Variants in NAA25 observed in about 807,000 individuals in gnomAD.
NAA25 encodes N-terminal acetyltransferase B complex subunit NAA25.
Under a neutral mutation model 132.5 loss-of-function variants are expected in NAA25, and 30 were observed. That is an observed-to-expected ratio of 0.23 (90% CI 0.17 to 0.31). The LOEUF is 0.31. Among genes scored for constraint, NAA25 ranks in the 10% least tolerant of loss-of-function variants. NAA25 has a pLI of 1.00. For missense variants in NAA25, 771 were observed against 1,150.4 expected, an observed-to-expected ratio of 0.67 and a Z score of 4.77; for synonymous variants, 359 against 401.9, an observed-to-expected ratio of 0.89 and a Z score of 1.28.
At chr12:112,070,891 C>T (rs111873133) in intron 10 of NAA25, among the ~76,000 whole-genome samples, 11 of 152,274 alleles carry the variant, frequency 7.2e-5, no homozygotes, top group African/African-American at 2.6e-4. Context: ...TAACTACAGG[C>T]GTGTGCCACC....
chr12:112,052,709 G>A (rs1294031865), intron 15 of NAA25, among the ~76,000 whole-genome samples: 1 of 152,190 alleles, frequency 6.6e-6, no homozygotes, highest in Non-Finnish European at 1.5e-5. Flanking sequence ...ATCCTCACGA[G>A]TGTTTGCCAA....
At chr12:112,085,581 T>C (rs888784232) in intron 4 of NAA25, among the ~76,000 whole-genome samples, 1 of 152,086 alleles carries the variant, frequency 6.6e-6, no homozygotes, top group Non-Finnish European at 1.5e-5. Context: ...GTATTTTATG[T>C]ACCATAGGGA....
intron 3 of NAA25, among the ~76,000 whole-genome samples, chr12:112,088,130 C>G (rs1192754259): frequency 1.3e-5 from 2 of 152,146 alleles, no homozygotes; most frequent in Admixed American, 1.3e-4. Context: ...CTCTATGCCT[C>G]TAAACTCTTC....
intron 13 of NAA25, among the ~76,000 whole-genome samples, chr12:112,054,946 C>A (rs1209937545): frequency 6.6e-6 from 1 of 152,146 alleles, no homozygotes; most frequent in African/African-American, 2.4e-5. Flanking sequence ...CAGATGTTAT[C>A]TATAGACATC....
intron 1 of NAA25, among the ~76,000 whole-genome samples, chr12:112,105,103 T>G (rs1209859898): frequency 1.3e-5 from 2 of 151,696 alleles, no homozygotes; most frequent in Non-Finnish European, 2.9e-5. Context: ...GCAGATTGCT[T>G]GAGCTCAGGA....
chr12:112,055,155 T>C (rs1180156292), intron 13 of NAA25, among the ~76,000 whole-genome samples: 2 of 152,196 alleles, frequency 1.3e-5, no homozygotes, highest in African/African-American at 4.8e-5. Flanking sequence ...CAGATAAAGC[T>C]TTATATACAA....
chr12:112,059,458 G>T (rs576950594), intron 13 of NAA25, among the ~76,000 whole-genome samples: 3 of 152,146 alleles, frequency 2.0e-5, no homozygotes, highest in Admixed American at 6.5e-5. Context: ...TCAGGGGGTG[G>T]GACCTAAAGA....
rs776147643 is a variant in NAA25 at position 112,075,659 on chromosome 12, A to G, written c.776+19T>C. 6.2e-7 allele frequency: 1 copy of G among 1,601,106 alleles called. No individual in the cohort carries two copies. Among genetic ancestry groups the G allele is most frequent in the Non-Finnish European group, 8.6e-7 (1 of 1,168,460 alleles). Reference sequence around the variant, plus strand: ...AGCCTCACTACAGTCAAATGGTACAAAAGAAAGCTTTTACTCACTTTTTTA... The same window carrying G: ...AGCCTCACTACAGTCAAATGGTACAGAAGAAAGCTTTTACTCACTTTTTTA... On this transcript the variant is annotated intron_variant, in intron 8 of 23. Coordinates refer to ENST00000261745, the MANE Select transcript of NAA25 (RefSeq NM_024953.4).
intron 22 of NAA25, chr12:112,037,542 C>T (rs1388340422): frequency 6.8e-6 from 1 of 146,928 alleles, no homozygotes; most frequent in Non-Finnish European, 1.5e-5. Flanking sequence ...CAAGCATTAT[C>T]CTATAGCTTA....
chr12:112,051,717 T>C (rs12312538), intron 15 of NAA25, among the ~76,000 whole-genome samples: 21,386 of 152,086 alleles, frequency 0.14, 1,859 homozygotes, highest in African/African-American at 0.24. Context: ...CAGCAAAACA[T>C]AAAACAAAGA....
At chr12:112,040,017 G>T (rs1387853710) in intron 21 of NAA25, 1 of 155,512 alleles carries the variant, frequency 6.4e-6, no homozygotes, top group Non-Finnish European at 1.4e-5. Flanking sequence ...TAAAAGAAAA[G>T]ATAATAGATT....
chr12:112,081,697 C>T (rs765842714), intron 4 of NAA25, among the ~76,000 whole-genome samples: 1 of 152,036 alleles, frequency 6.6e-6, no homozygotes, highest in Non-Finnish European at 1.5e-5. Flanking sequence ...AAGAATAGAC[C>T]TATTCAAGCA....
rs2078408679 is a variant in NAA25 at position 112,047,720 on chromosome 12, C to A, written c.1951G>T (p.Asp651Tyr). 6.2e-7 allele frequency: 1 copy of A among 1,613,940 alleles called. No individual in the cohort carries two copies. The highest frequency in any genetic ancestry group is 1.3e-5 in the African/African-American group (1 of 74,926). ...TTTAAGTCTCTGTTGTCTCGCAAAT[C>A]TTCCCATGGAATGTCATCTTCTTCT... Reference protein sequence around the residue: ...RPEEDDIPWEDLRDNRDLNVF... With the variant: ...RPEEDDIPWEYLRDNRDLNVF... The change falls in exon 17 of 24, where the codon GAT (aspartate) becomes TAT (tyrosine). Residue 651 changes from aspartate (D) to tyrosine (Y), a missense_variant. Physicochemically the swap from Asp to Tyr is radical, Grantham distance 160. Transcript: ENST00000261745.
Position 112,093,043 on chromosome 12 carries a change from G to C in NAA25, c.144+8C>G, listed in dbSNP as rs989065134. 8 of 1,595,424 alleles carry C rather than the reference G, an allele frequency of 5.0e-6. No homozygotes were observed. The highest frequency in any genetic ancestry group is 6.8e-6 in the Non-Finnish European group (8 of 1,168,224). On this transcript the variant is annotated splice_region_variant and intron_variant, in intron 2 of 23. Transcript: ENST00000261745. Reference sequence around the variant, plus strand: ...ACAGGTAAGTAACTGAAGGGCAAATGAAGTTACCTTAGCACAATGAAGATC... The same window carrying C: ...ACAGGTAAGTAACTGAAGGGCAAATCAAGTTACCTTAGCACAATGAAGATC...
Position 112,074,640 on chromosome 12 carries a change from A to T in NAA25, c.866+35T>A, listed in dbSNP as rs768177044. The T allele has an allele frequency of 2.2e-5, 29 of 1,316,132 alleles. No homozygotes were observed. In the South Asian group the frequency reaches 3.3e-4, roughly 15 times the overall value. The allele number at this position is 1,316,132 out of a possible 1,614,324, so 81.5% of individuals were successfully genotyped here. A position where few individuals can be genotyped will look rare whatever the true frequency, so the allele number is the denominator to read the frequency against. Reference sequence around the variant, plus strand: ...ATCCTTTCACTACACTATATTAAAAAGTGCTGTTATAATTCAGGAAAGAAG... The same window carrying T: ...ATCCTTTCACTACACTATATTAAAATGTGCTGTTATAATTCAGGAAAGAAG... On this transcript the variant is annotated intron_variant, in intron 9 of 23. Coordinates refer to ENST00000261745, the MANE Select transcript of NAA25 (RefSeq NM_024953.4).
At chr12:112,069,503 AAAATT>A (rs2078770975) in intron 10 of NAA25, among the ~76,000 whole-genome samples, 3 of 152,136 alleles carry the variant, frequency 2.0e-5, no homozygotes, top group South Asian at 4.1e-4. Context: ...ACTCCATTCA[AAAATT>A]AAATTAAATT....
intron 17 of NAA25, among the ~76,000 whole-genome samples, chr12:112,044,166 C>T (rs954337912): frequency 4.6e-5 from 7 of 150,562 alleles, no homozygotes; most frequent in African/African-American, 1.5e-4. Context: ...CTCCTGACCT[C>T]GTGATCTGCC....
rs1188592527 is a variant in NAA25, at chr12:112,043,704, A to G, written c.2171T>C (p.Ile724Thr). The G allele has an allele frequency of 7.4e-6, 12 of 1,614,062 alleles. No individual in the cohort carries two copies. The highest frequency in any genetic ancestry group is 6.7e-5 in the Admixed American group (4 of 59,998). Residue 724 changes from isoleucine (I) to threonine (T), a missense_variant, in exon 18 of 24, where the codon ATT becomes ACT. Coordinates refer to ENST00000261745, the MANE Select transcript of NAA25 (RefSeq NM_024953.4). The stretch of plus-strand genomic sequence containing the variant: ...TTGAAGGAGCAAACGAAGAATATCA[A>G]TCCGGGAGGATACCCCATTCTCGGC... ...KTAENGVSSRIDILRLLLQQL... is the reference protein window; with the variant it reads ...KTAENGVSSRTDILRLLLQQL...
chr12:112,108,722 T>C lies in NAA25; in HGVS notation c.52A>G (p.Ile18Val). ...GCTGGTCCAAGACACTCACCGTAAA[T>C]GGGCCGGAGGCGCCTGTCGTTAGGG... The part of the protein sequence containing the change: ...QDPNDRRLRP[I>V]YDYLDNGNNK... The change falls in exon 1 of 24, where the codon ATT becomes GTT. Residue 18 changes from isoleucine to valine, a missense_variant. Coordinates refer to ENST00000261745, the MANE Select transcript of NAA25 (RefSeq NM_024953.4). 1 of 1,527,116 alleles carries C rather than the reference T, an allele frequency of 6.5e-7. No individual in the cohort carries two copies. Among genetic ancestry groups the C allele is most frequent in the Non-Finnish European group, 8.8e-7 (1 of 1,135,010 alleles). 94.6% of individuals were successfully genotyped at this position (1,527,116 alleles called of 1,614,324 possible).
Sources: allele counts gnomAD v4.1 joint callset (sites outside exome capture counted in the v4.1 genomes callset), GRCh38; gene constraint gnomAD v4.1.1; transcripts MANE v1.5; gene names NCBI Gene and HGNC (gene_info 2026-07-23, HGNC 2026-07-21).